LRRC2: variants seen among roughly 807,000 people sequenced by gnomAD.
LRRC2 encodes the protein leucine rich repeat containing 2, also known as leucine-rich repeat-containing protein 2.
A neutral mutation model predicts 40.2 loss-of-function variants in LRRC2; 27 were observed. The ratio of observed to expected loss-of-function variants is 0.67; its 90% confidence interval spans 0.49 to 0.93. The LOEUF (loss-of-function observed/expected upper bound fraction) is 0.93. Among genes scored for constraint, LRRC2 ranks in the 40% least tolerant of loss-of-function variants. LRRC2 has a pLI of 0.00. For missense variants in LRRC2, 402 were observed against 439.6 expected (o/e 0.91, Z 0.76); for synonymous variants, 147 against 158.9 (o/e 0.92, Z 0.56).
intron 1 of LRRC2, among the ~76,000 whole-genome samples, chr3:46,562,074 C>T (rs1425987326): frequency 2.0e-5 from 3 of 152,186 alleles, no homozygotes; most frequent in African/African-American, 7.2e-5. Flanking sequence ...TTCCTCCCCC[C>T]TTGAGCATGG....
intron 1 of LRRC2, among the ~76,000 whole-genome samples, chr3:46,552,831 C>T (rs891523630): frequency 6.6e-6 from 1 of 150,686 alleles, no homozygotes; most frequent in African/African-American, 2.4e-5. Flanking sequence ...CTTCACAAAC[C>T]ATTGATCTCT....
chr3:46,527,906 T>C (rs1196222985), intron 6 of LRRC2, among the ~76,000 whole-genome samples: 2 of 152,096 alleles, frequency 1.3e-5, no homozygotes, highest in Non-Finnish European at 2.9e-5. Flanking sequence ...TAATTATTTT[T>C]TGTAGAGACA....
At chr3:46,547,457 G>C (rs534772869) in intron 2 of LRRC2, among the ~76,000 whole-genome samples, 4 of 151,946 alleles carry the variant, frequency 2.6e-5, no homozygotes, top group African/African-American at 9.7e-5. Context: ...GACCAGCCTG[G>C]GAAACAAAGT....
At position 46,530,065 on chromosome 3, in the gene LRRC2, C is replaced by A; in HGVS notation, c.628-15G>T. 10 of 1,586,078 alleles carry A rather than the reference C, an allele frequency of 6.3e-6. No homozygotes were observed. Among genetic ancestry groups the A allele is most frequent in the Non-Finnish European group, 8.7e-6 (10 of 1,155,130 alleles). ...AAATTACTTAACTAGAAATGAATAA[C>A]AAAATGTTCTAATTACTTTTATAAG... is the stretch of plus-strand genomic sequence containing the variant. On this transcript the variant is annotated splice_polypyrimidine_tract_variant and intron_variant, in intron 5 of 8. Transcript: ENST00000395905.
At chr3:46,555,011 T>C (rs1251533581) in intron 1 of LRRC2, among the ~76,000 whole-genome samples, 1 of 152,262 alleles carries the variant, frequency 6.6e-6, no homozygotes, top group African/African-American at 2.4e-5. Context: ...CATATTTTCA[T>C]ATGCTTGTTA....
At position 46,550,344 on chromosome 3, in the gene LRRC2, C is replaced by T. The variant is rs114644173; in HGVS notation, c.125+1123G>A. ...CCAAAAAGCTAATGAAGGTGGAGAA[C>T]CAAGAATGTAGACACATTCACACCT... On this transcript the variant is annotated intron_variant, in intron 2 of 8. Coordinates refer to ENST00000395905, the MANE Select transcript of LRRC2 (RefSeq NM_024512.5). Among the ~76,000 whole-genome samples, 374 of 150,546 alleles carry T rather than the reference C, an allele frequency of 2.5e-3. 4 individuals are homozygous for T. Among genetic ancestry groups the T allele is most frequent in the African/African-American group, 7.8e-3 (321 of 40,966 alleles).
chr3:46,515,531 T>C lies in LRRC2; in HGVS notation c.*3483A>G, dbSNP rs910382563. The C allele has an allele frequency of 1.1e-4, 17 of 152,314 alleles. No individual in the cohort carries two copies. In the East Asian group the frequency reaches 2.1e-3, roughly 19 times the overall value. 9.4% of individuals were successfully genotyped at this position (152,314 alleles called of 1,614,324 possible). ...CAAATCTCCATATTTTCACAAGATATATATTCTCCTTTGGAATCTTTCTGC... is the reference window on the plus strand; with the variant it reads ...CAAATCTCCATATTTTCACAAGATACATATTCTCCTTTGGAATCTTTCTGC... On this transcript the variant is annotated 3_prime_UTR_variant, in exon 9 of 9. Coordinates refer to ENST00000395905, the MANE Select transcript of LRRC2 (RefSeq NM_024512.5).
Position 46,530,179 on chromosome 3 carries a change from A to G in LRRC2, c.628-129T>C, listed in dbSNP as rs1575347144. 70 of 734,992 alleles carry G rather than the reference A, an allele frequency of 9.5e-5. 1 individual carries two copies. In the East Asian group the frequency reaches 1.9e-3, roughly 20 times the overall value. The allele number at this position is 734,992 out of a possible 1,614,324, so 45.5% of individuals were successfully genotyped here. A position where few individuals can be genotyped will look rare whatever the true frequency, so the allele number is the denominator to read the frequency against. ...GAATATATGCAAAGCAGATCAATAC[A>G]GTATGTATTTTGAAGCACCTCAGAT... On this transcript the variant is annotated intron_variant, in intron 5 of 8. Coordinates refer to ENST00000395905, the MANE Select transcript of LRRC2 (RefSeq NM_024512.5).
chr3:46,545,377 C>T (rs749746085), intron 2 of LRRC2, 124 bp from the exon 3 acceptor site: 24 of 764,522 alleles, frequency 3.1e-5, no homozygotes, highest in Non-Finnish European at 5.2e-5. Context: ...CGTAAGCACT[C>T]CCTTCCTCTT....
chr3:46,520,490 A>T (rs1174460709), intron 8 of LRRC2, among the ~76,000 whole-genome samples: 2 of 152,210 alleles, frequency 1.3e-5, no homozygotes, highest in African/African-American at 4.8e-5. Flanking sequence ...AAAATTAGGG[A>T]TATCCAAAAA....
rs1409445577 is a variant in LRRC2 at position 46,540,723 on chromosome 3, T to C, written c.334-1522A>G. 3.9e-5 allele frequency among the ~76,000 whole-genome samples: 6 copies of C among 152,160 alleles called. No homozygotes were observed. In the East Asian group the frequency reaches 7.7e-4, roughly 20 times the overall value. On this transcript the variant is annotated intron_variant, in intron 3 of 8. Coordinates refer to ENST00000395905, the MANE Select transcript of LRRC2 (RefSeq NM_024512.5). ...TGAGCACAGAGCATTAAACCAAGCATAGGGCCCTGTGCCGCTGCTTCTGAA... is the reference window on the plus strand; with the variant it reads ...TGAGCACAGAGCATTAAACCAAGCACAGGGCCCTGTGCCGCTGCTTCTGAA...
At chr3:46,523,713 A>G (rs564622789) in intron 7 of LRRC2, among the ~76,000 whole-genome samples, 49 of 151,688 alleles carry the variant, frequency 3.2e-4, no homozygotes, top group Non-Finnish European at 1.5e-5. Flanking sequence ...CCATCCATCT[A>G]CCCATCCATC....
intron 7 of LRRC2, among the ~76,000 whole-genome samples, chr3:46,522,248 G>A (rs1322021780): frequency 2.6e-5 from 4 of 151,860 alleles, no homozygotes; most frequent in Non-Finnish European, 5.9e-5. Flanking sequence ...GGTGGCAGGC[G>A]CCTATAATCC....
chr3:46,516,419 T>G lies in LRRC2; in HGVS notation c.*2595A>C, dbSNP rs1184567420. 6.6e-6 allele frequency: 1 copy of G among 151,518 alleles called. No homozygotes were observed. The highest frequency in any genetic ancestry group is 1.5e-5 in the Non-Finnish European group (1 of 67,886). 9.4% of individuals were successfully genotyped at this position (151,518 alleles called of 1,614,324 possible). A position where few individuals can be genotyped will look rare whatever the true frequency, so the allele number is the denominator to read the frequency against. Reference sequence around the variant, plus strand: ...AGCCCACCAAGACAAAATATTGGGATGTCAATAATAACCTTTTTAAAAATG... The same window carrying G: ...AGCCCACCAAGACAAAATATTGGGAGGTCAATAATAACCTTTTTAAAAATG... On this transcript the variant is annotated 3_prime_UTR_variant, in exon 9 of 9. Transcript: ENST00000395905.
At chr3:46,542,332 T>TAAA (rs11391659) in intron 3 of LRRC2, among the ~76,000 whole-genome samples, 1 of 150,730 alleles carries the variant, frequency 6.6e-6, no homozygotes, top group Non-Finnish European at 1.5e-5. Context: ...ACTCCATCTT[T>TAAA]AAAAAAAAAT....
intron 1 of LRRC2, among the ~76,000 whole-genome samples, chr3:46,555,594 C>T (rs1296430368): frequency 2.6e-5 from 4 of 152,064 alleles, no homozygotes; most frequent in Non-Finnish European, 2.9e-5. Flanking sequence ...CACTTAGAAA[C>T]AGTATGTTAC....
intron 4 of LRRC2, among the ~76,000 whole-genome samples, chr3:46,534,907 C>A (rs1172226374): frequency 1.3e-5 from 2 of 152,204 alleles, no homozygotes; most frequent in Non-Finnish European, 2.9e-5. Flanking sequence ...TCCCACGTTC[C>A]TCACTATGCT....
chr3:46,516,846 CCTT>C lies in LRRC2; in HGVS notation c.*2165_*2167del, dbSNP rs1703870391. 6.6e-6 allele frequency: 1 copy of C among 152,270 alleles called. No homozygotes were observed. Among genetic ancestry groups the C allele is most frequent in the East Asian group, 1.9e-4 (1 of 5,200 alleles). The allele number at this position is 152,270 out of a possible 1,614,324, so 9.4% of individuals were successfully genotyped here. On this transcript the variant is annotated 3_prime_UTR_variant, in exon 9 of 9. Coordinates refer to ENST00000395905, the MANE Select transcript of LRRC2 (RefSeq NM_024512.5). ...TGGGGACATGCCCAGGTAGAACATC[CCTT>C]GTCTCACTGCCCATCACAAGGACGC...
chr3:46,556,075 C>A (rs548581869), intron 1 of LRRC2, among the ~76,000 whole-genome samples: 1 of 152,000 alleles, frequency 6.6e-6, no homozygotes, highest in South Asian at 2.1e-4. Context: ...ATCACACTTT[C>A]CTATAGGAGA....
Sources: allele counts gnomAD v4.1 joint callset (sites outside exome capture counted in the v4.1 genomes callset), GRCh38; gene constraint gnomAD v4.1.1; transcripts MANE v1.5; gene names NCBI Gene and HGNC (gene_info 2026-07-23, HGNC 2026-07-21).